The following PARP6 variants were observed in gnomAD, a reference collection of about 807,000 sequenced individuals.
The protein encoded by PARP6 is poly(ADP-ribose) polymerase family member 6, also known as protein mono-ADP-ribosyltransferase PARP6.
A neutral mutation model predicts 92.0 loss-of-function variants in PARP6; 27 were observed. The observed-to-expected ratio is 0.29, with a 90% CI of 0.22 to 0.40. PARP6 has a LOEUF of 0.40. Among genes scored for constraint, PARP6 ranks in the 10% least tolerant of loss-of-function variants. The pLI, the probability that PARP6 is intolerant of heterozygous loss-of-function variation, is 1.00. For missense variants in PARP6, 501 were observed against 784.5 expected (o/e 0.64, Z 4.32); for synonymous variants, 272 against 281.2 (o/e 0.97, Z 0.33).
At chr15:72,253,957 T>C (rs2084712403) in intron 15 of PARP6, 1 of 446,804 alleles carries the variant, frequency 2.2e-6, no homozygotes, top group Non-Finnish European at 4.5e-6. Context: ...CACCTGTAAA[T>C]GAGTACAAAT....
At chr15:72,264,495 A>C in intron 8 of PARP6, 60 bp downstream of exon 8, 2 of 1,279,322 alleles carry the variant, frequency 1.6e-6, no homozygotes, top group Non-Finnish European at 1.1e-6. Context: ...CCATCCATAT[A>C]TTTCCACCTC....
At chr15:72,260,446 T>G in intron 10 of PARP6, 32 bp downstream of exon 10, 1 of 1,566,132 alleles carries the variant, frequency 6.4e-7, no homozygotes, top group Non-Finnish European at 8.8e-7. Context: ...ACCCTCCTGA[T>G]AGCCAAGTCA....
chr15:72,264,621 T>C lies in PARP6; in HGVS notation c.329A>G (p.Glu110Gly). The change falls in exon 8 of 24, where the codon GAA (glutamate) becomes GGA (glycine). Residue 110 changes from glutamate (E) to glycine (G), a missense_variant and splice_region_variant. Around this residue, in one of 4 missense-constraint regions of PARP6, gnomAD observed 291 missense variants for 352.0 expected, o/e 0.83. Coordinates refer to ENST00000569795, the MANE Select transcript of PARP6 (RefSeq NM_001323532.2). ...FSLSQYLDGP[E>G]PSIEVFQPSN... ...TGGCTGGAAAACCTCAATGGATGGT[T>C]CTGCAAAGAGAAGAGAAGGCTACTA... is the stretch of plus-strand genomic sequence containing the variant. 6.2e-7 allele frequency: 1 copy of C among 1,613,570 alleles called. No homozygotes were observed. The highest frequency in any genetic ancestry group is 8.5e-7 in the Non-Finnish European group (1 of 1,179,510).
chr15:72,252,047 G>A (rs2084431853), intron 16 of PARP6, among the ~76,000 whole-genome samples: 1 of 152,180 alleles, frequency 6.6e-6, no homozygotes, highest in Admixed American at 6.5e-5. Context: ...ACTAGGAAGA[G>A]GGAGGCAAAC....
At chr15:72,251,030 G>C (rs1046398569) in intron 17 of PARP6, 76 bp from the exon 18 acceptor site, 1 of 1,184,488 alleles carries the variant, frequency 8.4e-7, no homozygotes, top group Admixed American at 2.0e-5. Context: ...TTGGGGATAG[G>C]GGAAAAAATC....
At chr15:72,259,759 G>T in intron 10 of PARP6, 98 bp from the exon 11 acceptor site, 1 of 1,016,148 alleles carries the variant, frequency 9.8e-7, no homozygotes, top group Non-Finnish European at 1.5e-6. Context: ...TCCTAAAGCA[G>T]CTAAACCCTA....
In PARP6 at chr15:72,249,273, G is replaced by C; in HGVS notation, c.1533C>G (p.Pro511=). 1.2e-6 allele frequency: 2 copies of C among 1,603,210 alleles called. No homozygotes were observed. Among genetic ancestry groups the C allele is most frequent in the Non-Finnish European group, 1.7e-6 (2 of 1,171,478 alleles). The part of the protein sequence containing the change: ...AAYGKGIYLS[P]ISSISFGYSG... ...AGTATCCAAAGGAAATACTGGAGAT[G>C]GGGCTCAGGTAGATGCCTTTGCCAT... The change falls in exon 20 of 24, where the codon CCC becomes CCG. Residue 511 remains proline, a synonymous_variant. Coordinates refer to ENST00000569795, the MANE Select transcript of PARP6 (RefSeq NM_001323532.2).
At chr15:72,243,676 G>C (rs370084790) in intron 20 of PARP6, 4 of 152,286 alleles carry the variant, frequency 2.6e-5, no homozygotes, top group African/African-American at 9.6e-5. Flanking sequence ...TTGGTTTGAG[G>C]ATAGGACGTT....
chr15:72,247,292 G>A (rs977022964), intron 20 of PARP6, among the ~76,000 whole-genome samples: 4 of 152,088 alleles, frequency 2.6e-5, no homozygotes, highest in African/African-American at 9.7e-5. Context: ...TCCTGCCTCA[G>A]CCTCCTGACC....
chr15:72,242,917 G>A lies in PARP6; in HGVS notation c.1562-218C>T. The A allele has an allele frequency of 1.9e-6, 1 of 536,332 alleles. No homozygotes were observed. Among genetic ancestry groups the A allele is most frequent in the East Asian group, 3.2e-5 (1 of 31,396 alleles). 33.2% of individuals were successfully genotyped at this position (536,332 alleles called of 1,614,324 possible). A position where few individuals can be genotyped will look rare whatever the true frequency, so the allele number is the denominator to read the frequency against. On this transcript the variant is annotated intron_variant, in intron 20 of 23. Coordinates refer to ENST00000569795, the MANE Select transcript of PARP6 (RefSeq NM_001323532.2). The surrounding 1 kb of genome is among the most constrained non-coding windows in gnomAD (Gnocchi z 4.3). ...TGTGATGCAGATTATAGAGCATGGT[G>A]TGAGCCTAGAGGAGGGCAACTAGCC...
chr15:72,249,342 T>C (rs2140936714), intron 19 of PARP6, 28 bp from the exon 20 acceptor site: 1 of 1,428,578 alleles, frequency 7.0e-7, no homozygotes, highest in South Asian at 1.2e-5. Context: ...GGATGAGTAA[T>C]ATGAGCCTGG....
chr15:72,268,484 A>T (rs1255911075), intron 2 of PARP6, among the ~76,000 whole-genome samples: 1 of 152,262 alleles, frequency 6.6e-6, no homozygotes, highest in Non-Finnish European at 1.5e-5. Context: ...AGATCACCTG[A>T]GGTCAGGAGT....
Position 72,260,638 on chromosome 15 carries a change from C to T in PARP6, c.596G>A (p.Gly199Asp), listed in dbSNP as rs1567216594. ...GCGCCCAACCCGAAGCTCTGGTACA[C>T]CTAGTTTGCCTTTCAGCATGGAGTC... ...IQDSMLKGKL[G>D]VPELRVGRLM... The change falls in exon 10 of 24, where the codon GGT (glycine) becomes GAT (aspartate). Residue 199 changes from glycine (G) to aspartate (D), a missense_variant. By Grantham distance (94) the Gly-to-Asp change is moderately conservative. Coordinates refer to ENST00000569795, the MANE Select transcript of PARP6 (RefSeq NM_001323532.2). 2 of 1,614,072 alleles carry T rather than the reference C, an allele frequency of 1.2e-6. No homozygotes were observed. The highest frequency in any genetic ancestry group is 1.7e-6 in the Non-Finnish European group (2 of 1,180,042).
At chr15:72,268,200 G>A (rs938500538) in intron 2 of PARP6, among the ~76,000 whole-genome samples, 1 of 152,150 alleles carries the variant, frequency 6.6e-6, no homozygotes, top group Non-Finnish European at 1.5e-5. Context: ...ACTTAAACTG[G>A]AGAGCTGGGA....
chr15:72,254,969 A>C (rs2084869122), intron 14 of PARP6, among the ~76,000 whole-genome samples: 1 of 152,138 alleles, frequency 6.6e-6, no homozygotes, highest in African/African-American at 2.4e-5. Flanking sequence ...TTTCTGGTTG[A>C]GATTAACATT....
At chr15:72,251,150 C>T in intron 17 of PARP6, 57 bp downstream of exon 17, 3 of 1,202,692 alleles carry the variant, frequency 2.5e-6, no homozygotes, top group African/African-American at 1.5e-5. Flanking sequence ...TGGCTTCCAG[C>T]CCCTCCCTGC....
chr15:72,256,173 C>A (rs1305412351), intron 14 of PARP6, among the ~76,000 whole-genome samples: 1 of 152,124 alleles, frequency 6.6e-6, no homozygotes, highest in East Asian at 1.9e-4. Context: ...AGTTTAGAAA[C>A]GTTAAGTGAC....
At chr15:72,246,483 G>A (rs1238113567) in intron 20 of PARP6, among the ~76,000 whole-genome samples, 1 of 152,106 alleles carries the variant, frequency 6.6e-6, no homozygotes, top group African/African-American at 2.4e-5. Flanking sequence ...TGAATACCCA[G>A]AGACCCAATC....
intron 20 of PARP6, chr15:72,243,864 A>G (rs1451214712): frequency 6.6e-6 from 1 of 152,348 alleles, no homozygotes; most frequent in Non-Finnish European, 1.5e-5. Flanking sequence ...GGAACTTTCT[A>G]TTACTATTAA....
Sources: allele counts gnomAD v4.1 joint callset (sites outside exome capture counted in the v4.1 genomes callset), GRCh38; gene constraint gnomAD v4.1.1; regional missense constraint gnomAD v4.1.1; non-coding constraint Gnocchi (gnomAD v3.1); transcripts MANE v1.5; gene names NCBI Gene and HGNC (gene_info 2026-07-23, HGNC 2026-07-21).